Variants in SNX29 observed in about 807,000 individuals in gnomAD.
SNX29 encodes the protein sorting nexin-29.
SNX29 carries 78 observed loss-of-function variants against 102.1 expected under a neutral mutation model. That is an observed-to-expected ratio of 0.76 (90% confidence interval 0.64 to 0.92). SNX29 has a LOEUF of 0.92. SNX29 is among the 40% of genes least tolerant of loss of function. The probability of loss-of-function intolerance (pLI) is 0.00; values close to 1 mark genes in which losing one functional copy is unlikely to be tolerated. For synonymous variants in SNX29, 580 were observed against 414.5 expected, an observed-to-expected ratio of 1.40 and a Z score of -4.85; for missense variants, 1,280 against 1,061.7, an observed-to-expected ratio of 1.21 and a Z score of -2.86.
intron 20 of SNX29, among the ~76,000 whole-genome samples, chr16:12,566,321 C>T (rs180757806): frequency 1.3e-5 from 2 of 152,194 alleles, no homozygotes; most frequent in Non-Finnish European, 2.9e-5. Context: ...TGTCCTCTCC[C>T]TACCCCTTCA....
chr16:12,503,236 G>A (rs986655417), intron 19 of SNX29, among the ~76,000 whole-genome samples: 8 of 152,128 alleles, frequency 5.3e-5, no homozygotes, highest in African/African-American at 9.7e-5. Context: ...TCCCTGCGAC[G>A]TTCCTTTTTG....
chr16:12,378,784 C>G (rs894641997), intron 16 of SNX29, among the ~76,000 whole-genome samples: 1 of 152,176 alleles, frequency 6.6e-6, no homozygotes, highest in South Asian at 2.1e-4. Context: ...TGACTCCGTT[C>G]TCACTGCTCC....
At chr16:12,062,592 T>G (rs2050825598) in intron 9 of SNX29, among the ~76,000 whole-genome samples, 1 of 151,482 alleles carries the variant, frequency 6.6e-6, no homozygotes, top group African/African-American at 2.4e-5. Context: ...CTCAGAGAAG[T>G]GCCCAGTTGC....
intron 7 of SNX29, among the ~76,000 whole-genome samples, chr16:12,051,490 C>T (rs1416103523): frequency 6.6e-6 from 1 of 152,162 alleles, no homozygotes; most frequent in African/African-American, 2.4e-5. Context: ...TGACTACACC[C>T]CCCAGCTGGT....
chr16:12,561,810 A>T (rs144774399), intron 20 of SNX29, among the ~76,000 whole-genome samples: 1 of 152,240 alleles, frequency 6.6e-6, no homozygotes. Flanking sequence ...GGGGCTCATT[A>T]CCGCAGCTTA....
chr16:12,572,360 C>G lies in SNX29; in HGVS notation c.*3731C>G. 9.4e-7 allele frequency: 1 copy of G among 1,063,032 alleles called. No individual in the cohort carries two copies. Among genetic ancestry groups the G allele is most frequent in the Non-Finnish European group, 1.1e-6 (1 of 877,778 alleles). 65.8% of individuals were successfully genotyped at this position (1,063,032 alleles called of 1,614,324 possible). A position where few individuals can be genotyped will look rare whatever the true frequency, so the allele number is the denominator to read the frequency against. On this transcript the variant is annotated 3_prime_UTR_variant, in exon 21 of 21. Transcript: ENST00000566228. Reference sequence around the variant, plus strand: ...GCCTGCCTGGTTGATGGACAGCAGGCTCTGCCTTCTGGAGGCGGCTTATAT... The same window carrying G: ...GCCTGCCTGGTTGATGGACAGCAGGGTCTGCCTTCTGGAGGCGGCTTATAT...
intron 20 of SNX29, among the ~76,000 whole-genome samples, chr16:12,552,005 C>G (rs535156073): frequency 1.0e-3 from 155 of 152,324 alleles, no homozygotes; most frequent in African/African-American, 1.5e-3. Flanking sequence ...CTGCTGGTCC[C>G]TGTCTCTAAA....
chr16:12,172,487 C>T (rs1430968557), intron 13 of SNX29, among the ~76,000 whole-genome samples: 1 of 152,154 alleles, frequency 6.6e-6, no homozygotes, highest in African/African-American at 2.4e-5. Context: ...GCAGAGGGGT[C>T]ATCTTGGTCA....
intron 20 of SNX29, among the ~76,000 whole-genome samples, chr16:12,534,694 T>G (rs1054233861): frequency 6.6e-6 from 1 of 152,228 alleles, no homozygotes; most frequent in Non-Finnish European, 1.5e-5. Flanking sequence ...GATTCTGCTT[T>G]TCTTGGCGTT....
At position 12,048,532 on chromosome 16, in the gene SNX29, G is replaced by C; in HGVS notation, c.660G>C (p.Glu220Asp). 1.2e-6 allele frequency: 2 copies of C among 1,613,966 alleles called. No individual in the cohort carries two copies. The highest frequency in any genetic ancestry group is 1.7e-6 in the Non-Finnish European group (2 of 1,179,866). ...AAGGAGTGAGCAGCCTGTTCAGGGA[G>C]ATCACAGCCTCCTCTGCCGTCTCCA... ...STQGVSSLFR[E>D]ITASSAVSIL... Residue 220 changes from glutamate (E) to aspartate (D), a missense_variant, in exon 7 of 21, where the codon GAG (glutamate) becomes GAC (aspartate). Transcript: ENST00000566228.
At chr16:12,563,465 G>A (rs2078845807) in intron 20 of SNX29, among the ~76,000 whole-genome samples, 1 of 152,196 alleles carries the variant, frequency 6.6e-6, no homozygotes, top group African/African-American at 2.4e-5. Flanking sequence ...AACCTAATAG[G>A]GTAAAAGGCT....
intron 14 of SNX29, among the ~76,000 whole-genome samples, chr16:12,206,080 T>G (rs944866182): frequency 3.3e-5 from 5 of 152,196 alleles, no homozygotes; most frequent in African/African-American, 1.2e-4. Context: ...CAGTTGTGCC[T>G]CCAGCTGGAT....
intron 14 of SNX29, among the ~76,000 whole-genome samples, chr16:12,215,313 G>GAA (rs59097054): frequency 1.5e-4 from 21 of 137,256 alleles, no homozygotes; most frequent in Non-Finnish European, 1.9e-4. Flanking sequence ...AATCTCTACA[G>GAA]AAAAAAAAAA....
intron 13 of SNX29, among the ~76,000 whole-genome samples, chr16:12,153,632 C>T (rs537062352): frequency 7.0e-4 from 104 of 148,186 alleles, no homozygotes; most frequent in Middle Eastern, 7.0e-3. Context: ...CACCACCACA[C>T]CTGGCTAATT....
chr16:12,144,149 TAA>T (rs537157636), intron 13 of SNX29, among the ~76,000 whole-genome samples: 1 of 152,214 alleles, frequency 6.6e-6, no homozygotes, highest in Admixed American at 6.5e-5. Flanking sequence ...AGCAAGGACT[TAA>T]GAGAGGATGC....
intron 19 of SNX29, among the ~76,000 whole-genome samples, chr16:12,513,795 C>G (rs76398041): frequency 0.032 from 4,873 of 152,338 alleles, 184 homozygotes; most frequent in East Asian, 0.2. Context: ...CAGTCAGCAG[C>G]TGATAAAAGG....
At chr16:12,341,832 T>C (rs1192206492) in intron 15 of SNX29, among the ~76,000 whole-genome samples, 2 of 152,206 alleles carry the variant, frequency 1.3e-5, no homozygotes, top group Non-Finnish European at 2.9e-5. Context: ...GTAGGGTGCA[T>C]GGTGAGCACC....
chr16:12,448,069 C>G (rs1433307502), intron 18 of SNX29, among the ~76,000 whole-genome samples: 2 of 152,176 alleles, frequency 1.3e-5, no homozygotes, highest in African/African-American at 4.8e-5. Flanking sequence ...AGGCCTGTGT[C>G]TCGCAGTGGC....
chr16:12,551,671 A>G (rs1004557908), intron 20 of SNX29, among the ~76,000 whole-genome samples: 1 of 152,230 alleles, frequency 6.6e-6, no homozygotes, highest in African/African-American at 2.4e-5. Context: ...GTTCCTGTGC[A>G]GTAGGATAAA....
Sources: gnomAD v4.1 joint callset for allele counts (sites outside exome capture counted in the v4.1 genomes callset) on GRCh38, gnomAD v4.1.1 for gene constraint, MANE v1.5 for transcripts, NCBI Gene and HGNC (gene_info 2026-07-23, HGNC 2026-07-21) for gene names.